Variants in CLEC16A observed in about 807,000 individuals in gnomAD.
CLEC16A encodes the protein protein CLEC16A.
CLEC16A carries 51 observed loss-of-function variants against 109.5 expected under a neutral mutation model. The observed-to-expected ratio is 0.47, with a 90% CI of 0.37 to 0.59. The LOEUF (loss-of-function observed/expected upper bound fraction) is 0.59, where lower values mean the gene tolerates loss of function less well. Ranked by LOEUF, CLEC16A falls within the 20% of genes least tolerant of loss-of-function variation. The pLI is 0.00. For synonymous variants in CLEC16A, 673 were observed against 564.2 expected, an observed-to-expected ratio of 1.19 and a Z score of -2.73; for missense variants, 1,339 against 1,394.0, an observed-to-expected ratio of 0.96 and a Z score of 0.63.
At chr16:11,028,642 A>G (rs1171833129) in intron 13 of CLEC16A, among the ~76,000 whole-genome samples, 1 of 152,072 alleles carries the variant, frequency 6.6e-6, no homozygotes, top group African/African-American at 2.4e-5. Flanking sequence ...TTTTAAACTA[A>G]CGTACCATAA....
intron 1 of CLEC16A, among the ~76,000 whole-genome samples, chr16:10,950,971 T>C (rs997970192): frequency 6.6e-6 from 1 of 152,218 alleles, no homozygotes; most frequent in African/African-American, 2.4e-5. Context: ...GAAAATGCTG[T>C]CACTGAAATG....
intron 19 of CLEC16A, among the ~76,000 whole-genome samples, chr16:11,069,256 T>C (rs1280367072): frequency 6.6e-6 from 1 of 151,944 alleles, no homozygotes; most frequent in Non-Finnish European, 1.5e-5. Context: ...GCTTCCCAAA[T>C]AACTGGGACT....
At chr16:11,089,531 C>T (rs557347996) in intron 19 of CLEC16A, among the ~76,000 whole-genome samples, 2 of 152,310 alleles carry the variant, frequency 1.3e-5, no homozygotes, top group South Asian at 4.1e-4. Flanking sequence ...AAAGAAGCTG[C>T]CCATCAAACC....
At chr16:10,964,894 AC>A (rs1421915076) in intron 3 of CLEC16A, among the ~76,000 whole-genome samples, 5 of 152,176 alleles carry the variant, frequency 3.3e-5, no homozygotes, top group Non-Finnish European at 7.3e-5. Flanking sequence ...TTGTGTGTGC[AC>A]CTTGGGTGAT....
chr16:11,126,194 C>T (rs200514872), intron 22 of CLEC16A, 48 bp downstream of exon 22: 36 of 1,610,586 alleles, frequency 2.2e-5, no homozygotes, highest in Non-Finnish European at 2.7e-5. Context: ...TCATGGTGGG[C>T]GTTCAAGGTC....
intron 10 of CLEC16A, among the ~76,000 whole-genome samples, chr16:11,002,100 C>A (rs1219408824): frequency 6.6e-6 from 1 of 152,140 alleles, no homozygotes; most frequent in Non-Finnish European, 1.5e-5. Flanking sequence ...GGTTTTGAAT[C>A]CCGGCTCTGC....
At chr16:10,962,690 G>A in intron 3 of CLEC16A, 102 bp downstream of exon 3, 1 of 1,270,450 alleles carries the variant, frequency 7.9e-7, no homozygotes, top group Non-Finnish European at 1.1e-6. Context: ...GTCGGCTCAG[G>A]CTATCCTAAC....
intron 22 of CLEC16A, among the ~76,000 whole-genome samples, chr16:11,143,144 G>A (rs2053914604): frequency 6.6e-6 from 1 of 152,196 alleles, no homozygotes; most frequent in South Asian, 2.1e-4. Context: ...CACCTACTGT[G>A]TGCCACGCCC....
chr16:10,983,761 C>T (rs887725855), intron 10 of CLEC16A, among the ~76,000 whole-genome samples: 5 of 152,094 alleles, frequency 3.3e-5, no homozygotes, highest in Admixed American at 6.5e-5. Flanking sequence ...ACTTGCTTTT[C>T]CCCCAGCATG....
chr16:10,957,326 C>G (rs1236643742), intron 1 of CLEC16A, among the ~76,000 whole-genome samples: 2 of 152,250 alleles, frequency 1.3e-5, no homozygotes, highest in African/African-American at 4.8e-5. Flanking sequence ...TCAACATTAG[C>G]CTGGCTGCAG....
At chr16:11,090,254 C>G (rs982558733) in intron 19 of CLEC16A, among the ~76,000 whole-genome samples, 2 of 152,062 alleles carry the variant, frequency 1.3e-5, no homozygotes, top group African/African-American at 2.4e-5. Flanking sequence ...CAGGGACTCG[C>G]TATGTTGCCC....
chr16:10,987,591 T>A (rs79353373), intron 10 of CLEC16A, among the ~76,000 whole-genome samples: 3 of 152,224 alleles, frequency 2.0e-5, no homozygotes, highest in Non-Finnish European at 2.9e-5. Flanking sequence ...GTGTCGGCTT[T>A]CTGCTTCCAG....
chr16:11,045,562 G>A (rs986281281), intron 16 of CLEC16A, among the ~76,000 whole-genome samples: 2 of 152,068 alleles, frequency 1.3e-5, no homozygotes, highest in African/African-American at 4.8e-5. Flanking sequence ...GGGTGGTGGG[G>A]AGCAGAAACA....
intron 18 of CLEC16A, among the ~76,000 whole-genome samples, chr16:11,053,663 G>A (rs1374365834): frequency 1.3e-5 from 2 of 152,170 alleles, no homozygotes; most frequent in Non-Finnish European, 2.9e-5. Flanking sequence ...GAACCACCAC[G>A]CCCTGTCCAC....
At chr16:11,006,624 A>T (rs2045032845) in intron 11 of CLEC16A, among the ~76,000 whole-genome samples, 1 of 152,216 alleles carries the variant, frequency 6.6e-6, no homozygotes, top group African/African-American at 2.4e-5. Flanking sequence ...AAGACGGGGA[A>T]AATACAGGAG....
At chr16:11,070,220 G>A (rs1230340036) in intron 19 of CLEC16A, among the ~76,000 whole-genome samples, 2 of 152,086 alleles carry the variant, frequency 1.3e-5, no homozygotes, top group South Asian at 2.1e-4. Flanking sequence ...ACAGGCGCGT[G>A]CCACCACGCC....
At chr16:11,030,673 C>G (rs546010881) in intron 13 of CLEC16A, among the ~76,000 whole-genome samples, 2 of 152,304 alleles carry the variant, frequency 1.3e-5, no homozygotes, top group African/African-American at 2.4e-5. Context: ...AAGACGGAGT[C>G]TCACTCTGTT....
Position 11,178,659 on chromosome 16 carries a change from G to A in CLEC16A, c.3131G>A (p.Cys1044Tyr), listed in dbSNP as rs1243798036. The change falls in exon 24 of 24, where the codon TGT becomes TAT. Residue 1044 changes from cysteine (C) to tyrosine (Y), a missense_variant. Around this residue, in one of 3 missense-constraint regions of CLEC16A, gnomAD observed 1,061 missense variants for 1,006.8 expected, o/e 1.05. Coordinates refer to ENST00000409790, the MANE Select transcript of CLEC16A (RefSeq NM_015226.3). The surrounding 1 kb of genome is among the most constrained non-coding windows in gnomAD (Gnocchi z 6.5). ...GAGCCCGTGGGCGAAGAGGCTGCAT[G>A]TGCTGAGCCTGTGGGCACCGCTGAG... The part of the protein sequence containing the change: ...CTEPVGEEAA[C>Y]AEPVGTAED 6 of 1,550,084 alleles carry A rather than the reference G, an allele frequency of 3.9e-6. No homozygotes were observed. Among genetic ancestry groups the A allele is most frequent in the Admixed American group, 1.8e-5 (1 of 54,968 alleles).
intron 14 of CLEC16A, 57 bp downstream of exon 14, chr16:11,039,933 C>G: frequency 6.4e-7 from 1 of 1,573,370 alleles, no homozygotes; most frequent in Non-Finnish European, 8.6e-7. Flanking sequence ...GAAGCAGACC[C>G]CACTGGGAGC....
Sources: gnomAD v4.1 joint callset for allele counts (sites outside exome capture counted in the v4.1 genomes callset) on GRCh38, gnomAD v4.1.1 for gene constraint, gnomAD v4.1.1 regional missense constraint, Gnocchi (gnomAD v3.1) non-coding constraint, MANE v1.5 for transcripts, NCBI Gene and HGNC (gene_info 2026-07-23, HGNC 2026-07-21) for gene names.